Variants in ENKUR observed in about 807,000 individuals in gnomAD.
ENKUR encodes the protein enkurin, TRPC channel interacting protein.
In ENKUR, 19 loss-of-function variants were observed where a neutral mutation model predicts 27.6. The observed-to-expected ratio is 0.69, with a 90% CI of 0.48 to 1.01. The LOEUF is 1.01. Among genes scored for constraint, ENKUR ranks in the 50% least tolerant of loss-of-function variants. The pLI is 0.00. For synonymous variants in ENKUR, 117 were observed against 96.9 expected (o/e 1.21, Z -1.22); for missense variants, 312 against 310.5 (o/e 1.00, Z -0.04).
At chr10:25,004,214 T>A (rs1850259175) in intron 1 of ENKUR, among the ~76,000 whole-genome samples, 1 of 152,256 alleles carries the variant, frequency 6.6e-6, no homozygotes, top group East Asian at 1.9e-4. Context: ...TCTTTGCTAC[T>A]GTGAATAGTG....
chr10:25,000,772 T>C lies in ENKUR; in HGVS notation c.78-1226A>G, dbSNP rs186670268. 2.6e-5 allele frequency among the ~76,000 whole-genome samples: 4 copies of C among 152,280 alleles called. No homozygotes were observed. The South Asian group carries it at 6.2e-4, about 24-fold the overall frequency. On this transcript the variant is annotated intron_variant, in intron 1 of 5. Coordinates refer to ENST00000331161, the MANE Select transcript of ENKUR (RefSeq NM_145010.4). The stretch of plus-strand genomic sequence containing the variant: ...GTATGTTTATACCTTTCACTTTTAA[T>C]GTGATTATAAAAATTTGTTTCTGCT...
intron 1 of ENKUR, among the ~76,000 whole-genome samples, chr10:25,014,006 T>A (rs967175790): frequency 2.0e-5 from 3 of 152,184 alleles, no homozygotes; most frequent in Non-Finnish European, 2.9e-5. Flanking sequence ...AACCATCTTA[T>A]GCATCATGAG....
intron 2 of ENKUR, chr10:25,025,590 C>A: frequency 1.2e-6 from 1 of 860,202 alleles, no homozygotes; most frequent in Non-Finnish European, 1.8e-6. Context: ...AAAGTCTGAT[C>A]TCTAGGGCTG....
intron 2 of ENKUR, among the ~76,000 whole-genome samples, chr10:25,060,621 G>A (rs1166448692): frequency 6.6e-6 from 1 of 152,142 alleles, no homozygotes; most frequent in Non-Finnish European, 1.5e-5. Flanking sequence ...AATGGGGCTT[G>A]AACCTAAATT....
chr10:25,024,787 A>G, intron 2 of ENKUR: 2 of 1,614,208 alleles, frequency 1.2e-6, no homozygotes, highest in Non-Finnish European at 1.7e-6. Context: ...GTATGCCAAA[A>G]TGATGGGAAT....
chr10:25,058,438 C>T (rs1851285082), intron 2 of ENKUR, among the ~76,000 whole-genome samples: 1 of 152,096 alleles, frequency 6.6e-6, no homozygotes, highest in African/African-American at 2.4e-5. Flanking sequence ...AAATTCCTGG[C>T]CTCAAGCGAT....
intron 2 of ENKUR, among the ~76,000 whole-genome samples, chr10:25,057,808 A>G (rs1270781861): frequency 6.6e-6 from 1 of 152,114 alleles, no homozygotes; most frequent in East Asian, 1.9e-4. Flanking sequence ...TGTTTGAGTG[A>G]CCCTGCCCAG....
intron 2 of ENKUR, among the ~76,000 whole-genome samples, chr10:25,042,837 G>A (rs1193100620): frequency 6.9e-6 from 1 of 145,256 alleles, no homozygotes; most frequent in East Asian, 2.1e-4. Flanking sequence ...GTGACAGAGT[G>A]AGACTGTCTC....
intron 2 of ENKUR, among the ~76,000 whole-genome samples, chr10:25,022,816 T>G (rs1476812244): frequency 6.6e-6 from 1 of 152,184 alleles, no homozygotes; most frequent in East Asian, 1.9e-4. Flanking sequence ...TAATTTTCAT[T>G]AAAAGATCTC....
chr10:25,025,360 A>G (rs770716895), intron 2 of ENKUR: 2 of 1,614,118 alleles, frequency 1.2e-6, no homozygotes, highest in Non-Finnish European at 1.7e-6. Flanking sequence ...AGAGAGAACA[A>G]AACAGCAAGA....
At chr10:25,021,665 A>G (rs1457897662) in intron 2 of ENKUR, 3 of 152,224 alleles carry the variant, frequency 2.0e-5, no homozygotes, top group African/African-American at 7.2e-5. Context: ...AGCTTTTCAA[A>G]TAATAGACTA....
intron 1 of ENKUR, among the ~76,000 whole-genome samples, chr10:25,004,349 C>A (rs747933078): frequency 7.9e-5 from 12 of 152,124 alleles, no homozygotes; most frequent in Non-Finnish European, 1.5e-4. Flanking sequence ...TGAGGAATTG[C>A]CACACTGTCT....
chr10:24,989,147 A>C lies in ENKUR; in HGVS notation c.594+1316T>G, dbSNP rs917479131. ...ATTTAGGTGTAAAAACCTGGCTTTC[A>C]CAAAGGCACGTACTTTCTGAAAATG... On this transcript the variant is annotated intron_variant, in intron 4 of 5. Coordinates refer to ENST00000331161, the MANE Select transcript of ENKUR (RefSeq NM_145010.4). Among the ~76,000 whole-genome samples, 11 of 152,258 alleles carry C rather than the reference A, an allele frequency of 7.2e-5. No homozygotes were observed. In the East Asian group the frequency reaches 2.1e-3, roughly 29 times the overall value.
upstream of ENKUR, among the ~76,000 whole-genome samples, chr10:25,018,662 T>G (rs1328036205): frequency 7.7e-6 from 1 of 129,700 alleles, no homozygotes; most frequent in Non-Finnish European, 1.7e-5. Flanking sequence ...GAGAGTTGTT[T>G]TTTTTTTTTT....
Position 25,023,767 on chromosome 10 carries a change from A to G in ENKUR, c.38-27898T>C, listed in dbSNP as rs1415118230. 2.5e-5 allele frequency: 41 copies of G among 1,613,930 alleles called. No homozygotes were observed. Among genetic ancestry groups the G allele is most frequent in the Middle Eastern group, 1.6e-4 (1 of 6,084 alleles). On this transcript the variant is annotated intron_variant, in intron 2 of 5. Coordinates refer to the ENKUR transcript ENST00000615958. ...TGTAGGTCAGAATTCTGGAACATCT[A>G]TGAAAGACTTACTTAAATTTAGAAG...
intron 2 of ENKUR, among the ~76,000 whole-genome samples, chr10:25,034,667 GA>G (rs1320798082): frequency 6.6e-6 from 1 of 152,140 alleles, no homozygotes; most frequent in African/African-American, 2.4e-5. Flanking sequence ...GTCATTACCA[GA>G]AAATAACACC....
intron 1 of ENKUR, among the ~76,000 whole-genome samples, chr10:25,014,435 G>A (rs1850518771): frequency 6.6e-6 from 1 of 151,822 alleles, no homozygotes; most frequent in Admixed American, 6.6e-5. Context: ...ACCAAGAACA[G>A]ATATACTAGT....
intron 2 of ENKUR, among the ~76,000 whole-genome samples, chr10:25,045,969 C>T (rs1851117525): frequency 6.6e-6 from 1 of 152,044 alleles, no homozygotes; most frequent in Admixed American, 6.6e-5. Context: ...ATCAATGAAC[C>T]TGATTTCATA....
chr10:25,020,350 A>G (rs975390943), upstream of ENKUR, among the ~76,000 whole-genome samples: 2 of 152,092 alleles, frequency 1.3e-5, no homozygotes, highest in African/African-American at 4.8e-5. Flanking sequence ...AGGGGAACTA[A>G]CATATAGGAA....
Sources: gnomAD v4.1 joint callset for allele counts (sites outside exome capture counted in the v4.1 genomes callset) on GRCh38, gnomAD v4.1.1 for gene constraint, MANE v1.5 for transcripts, NCBI Gene and HGNC (gene_info 2026-07-23, HGNC 2026-07-21) for gene names.